Variants in SPG11 observed in about 807,000 individuals in gnomAD.
SPG11 encodes spatacsin.
A neutral mutation model predicts 274.0 loss-of-function variants in SPG11; 222 were observed. The ratio of observed to expected loss-of-function variants is 0.81; its 90% CI spans 0.73 to 0.91. SPG11 has a LOEUF of 0.91. Ranked by LOEUF, SPG11 falls within the 40% of genes least tolerant of loss-of-function variation. The pLI, the probability that SPG11 is intolerant of heterozygous loss-of-function variation, is 0.00. For missense variants in SPG11, 3,114 were observed against 2,872.7 expected, an observed-to-expected ratio of 1.08 and a Z score of -1.92; for synonymous variants, 1,144 against 1,039.7, an observed-to-expected ratio of 1.10 and a Z score of -1.93.
At chr15:44,638,825 A>G (rs984884456) in intron 7 of SPG11, among the ~76,000 whole-genome samples, 2 of 152,038 alleles carry the variant, frequency 1.3e-5, no homozygotes, top group African/African-American at 2.4e-5. Flanking sequence ...GGGAAACCCC[A>G]CCTCTATTAA....
intron 19 of SPG11, 157 bp from the exon 20 acceptor site, chr15:44,606,248 T>C: frequency 3.2e-6 from 2 of 618,570 alleles, no homozygotes; most frequent in Non-Finnish European, 5.8e-6. Flanking sequence ...CAGCTAAAAA[T>C]AAAATAGAAT....
rs759432908 is a variant in SPG11 at position 44,620,297 on chromosome 15, A to G, written c.2727T>C (p.Tyr909=). The G allele has an allele frequency of 2.4e-5, 38 of 1,614,018 alleles. No individual in the cohort carries two copies. Among genetic ancestry groups the G allele is most frequent in the South Asian group, 1.5e-4 (14 of 91,090 alleles). The change falls in exon 15 of 40, where the codon TAT becomes TAC. Residue 909 remains tyrosine (Y), a synonymous_variant. Coordinates refer to ENST00000261866, the MANE Select transcript of SPG11 (RefSeq NM_025137.4). ...GCCATTTGTTCTGCTGAAGTGAAGC[A>G]TAACTATGCTGGGTTTGAAATTCTC... is the stretch of plus-strand genomic sequence containing the variant. ...WIGEFQTQHS[Y]ASLQQNKWPL... is the part of the protein sequence containing the mutation.
At chr15:44,604,219 G>A (rs1376756592) in intron 20 of SPG11, 1 of 411,508 alleles carries the variant, frequency 2.4e-6, no homozygotes, top group East Asian at 7.3e-5. Context: ...AAAAAGGCTT[G>A]AAGACCCTGG....
At chr15:44,630,380 G>C (rs886894609) in intron 8 of SPG11, among the ~76,000 whole-genome samples, 19 of 152,234 alleles carry the variant, frequency 1.2e-4, no homozygotes, top group African/African-American at 4.3e-4. Context: ...GGTGAGAGTG[G>C]AATGAGGAGA....
chr15:44,610,048 G>A (rs1214522081), intron 18 of SPG11, among the ~76,000 whole-genome samples: 4 of 151,588 alleles, frequency 2.6e-5, no homozygotes, highest in African/African-American at 7.3e-5. Context: ...GATTACAGGC[G>A]TACGCTACCA....
chr15:44,655,149 G>C (rs1236233588), intron 4 of SPG11, among the ~76,000 whole-genome samples: 1 of 152,100 alleles, frequency 6.6e-6, no homozygotes, highest in Non-Finnish European at 1.5e-5. Context: ...GATCTCTTTA[G>C]CTGGCACAGT....
rs749729293 is a variant in SPG11, at chr15:44,569,468, A to G, written c.6515T>C (p.Met2172Thr). Residue 2172 changes from methionine to threonine, a missense_variant, in exon 35 of 40, where the codon ATG becomes ACG. Met to Thr is a moderately conservative substitution (Grantham distance 81). Coordinates refer to ENST00000261866, the MANE Select transcript of SPG11 (RefSeq NM_025137.4). ...LLTGIGRYNE[M>T]TYIFDLLHKK... ...ATGCAGCAAATCAAATATGTATGTC[A>G]TCTCGTTGTACCTTCCAATGCCAGT... 1 of 1,602,744 alleles carries G rather than the reference A, an allele frequency of 6.2e-7. No individual in the cohort carries two copies.
intron 17 of SPG11, 88 bp downstream of exon 17, chr15:44,613,342 T>G: frequency 1.1e-6 from 1 of 880,444 alleles, no homozygotes; most frequent in Non-Finnish European, 1.9e-6. Flanking sequence ...AAATAATTTA[T>G]TTAAAAGAGT....
Position 44,663,412 on chromosome 15 carries a change from C to T in SPG11, c.236G>A (p.Cys79Tyr). Residue 79 changes from cysteine to tyrosine, a missense_variant, in exon 1 of 40, where the codon TGC becomes TAC. Physicochemically the swap from Cys to Tyr is radical, Grantham distance 194 (BLOSUM62 -2). Coordinates refer to ENST00000261866, the MANE Select transcript of SPG11 (RefSeq NM_025137.4). ...TPGSRGGGRCCLEGPFWHFLW... is the reference protein window; with the variant it reads ...TPGSRGGGRCYLEGPFWHFLW... Reference sequence around the variant, plus strand: ...TTACTGCCAGAAGGGGCCCTCCAGGCAGCAGCGACCCCCGCCCCGGCTGCC... The same window carrying T: ...TTACTGCCAGAAGGGGCCCTCCAGGTAGCAGCGACCCCCGCCCCGGCTGCC... 1.2e-6 allele frequency: 2 copies of T among 1,607,202 alleles called. No individual in the cohort carries two copies. Among genetic ancestry groups the T allele is most frequent in the Non-Finnish European group, 1.7e-6 (2 of 1,177,548 alleles).
At chr15:44,572,575 A>G in intron 33 of SPG11, 108 bp downstream of exon 33, 1 of 1,115,168 alleles carries the variant, frequency 9.0e-7, no homozygotes, top group Non-Finnish European at 1.4e-6. Context: ...CTGGAGGGCT[A>G]GGCATCCAGA....
intron 4 of SPG11, among the ~76,000 whole-genome samples, chr15:44,653,868 TATG>T (rs1566828661): frequency 6.6e-6 from 1 of 152,230 alleles, no homozygotes; most frequent in African/African-American, 2.4e-5. Context: ...GGTCCACTTA[TATG>T]ATTTTTTTTT....
chr15:44,616,537 A>G (rs1396819064), intron 15 of SPG11, among the ~76,000 whole-genome samples: 1 of 152,104 alleles, frequency 6.6e-6, no homozygotes, highest in Non-Finnish European at 1.5e-5. Flanking sequence ...CATATATGCA[A>G]TCCCAAATAA....
chr15:44,599,949 C>T (rs1166986336), intron 21 of SPG11, among the ~76,000 whole-genome samples: 2 of 152,074 alleles, frequency 1.3e-5, no homozygotes, highest in South Asian at 2.1e-4. Context: ...CCTATCAACC[C>T]GTCATCTAGG....
At chr15:44,622,578 A>G in intron 12 of SPG11, 150 bp downstream of exon 12, 1 of 778,820 alleles carries the variant, frequency 1.3e-6, no homozygotes, top group South Asian at 1.6e-5. Flanking sequence ...GATGAAGGGG[A>G]AAAAAAGATG....
chr15:44,618,280 A>T (rs1208944587), intron 15 of SPG11, among the ~76,000 whole-genome samples: 1 of 142,708 alleles, frequency 7.0e-6, no homozygotes, highest in Non-Finnish European at 1.5e-5. Flanking sequence ...AGGCCAAGGC[A>T]GGCGGATCAC....
chr15:44,663,206 T>G (rs2085169414), intron 1 of SPG11, among the ~76,000 whole-genome samples, 185 bp downstream of exon 1: 1 of 152,208 alleles, frequency 6.6e-6, no homozygotes, highest in Non-Finnish European at 1.5e-5. Context: ...GAGGCGAGCG[T>G]TTCAGGTCGG....
chr15:44,565,421 T>C (rs1019295390), intron 38 of SPG11, among the ~76,000 whole-genome samples: 5 of 152,238 alleles, frequency 3.3e-5, no homozygotes, highest in Admixed American at 2.6e-4. Flanking sequence ...AGCCCTTGCA[T>C]GTGCAGTTCA....
At chr15:44,630,456 A>G (rs1204811686) in intron 8 of SPG11, among the ~76,000 whole-genome samples, 2 of 152,256 alleles carry the variant, frequency 1.3e-5, no homozygotes, top group African/African-American at 2.4e-5. Context: ...GCCCTGCTCA[A>G]TATCAAAAAC....
intron 30 of SPG11, among the ~76,000 whole-genome samples, chr15:44,578,582 A>T (rs1168706578): frequency 5.3e-5 from 8 of 152,002 alleles, no homozygotes; most frequent in Non-Finnish European, 1.5e-5. Context: ...TACAGGGCTC[A>T]CTCCTGGACT....
Sources: allele counts gnomAD v4.1 joint callset (sites outside exome capture counted in the v4.1 genomes callset), GRCh38; gene constraint gnomAD v4.1.1; transcripts MANE v1.5; gene names NCBI Gene and HGNC (gene_info 2026-07-23, HGNC 2026-07-21).